The following KRIT1 variants were observed in gnomAD, a reference collection of about 807,000 sequenced individuals.
KRIT1 encodes the protein KRIT1 ankyrin repeat containing, also known as krev interaction trapped protein 1.
KRIT1 carries 45 observed loss-of-function variants against 95.8 expected under a neutral mutation model. The ratio of observed to expected loss-of-function variants is 0.47; its 90% CI spans 0.37 to 0.60. KRIT1 has a LOEUF of 0.60. Ranked by LOEUF, KRIT1 falls within the 20% of genes least tolerant of loss-of-function variation. KRIT1 has a pLI of 0.00. For missense variants in KRIT1, 788 were observed against 877.5 expected (o/e 0.90, Z 1.29); for synonymous variants, 282 against 278.8 (o/e 1.01, Z -0.11).
At chr7:92,214,096 G>A in intron 15 of KRIT1, 117 bp from the exon 16 acceptor site, 1 of 701,552 alleles carries the variant, frequency 1.4e-6, no homozygotes, top group South Asian at 1.6e-5. Context: ...AAAATATTTT[G>A]CTGTAAAATA....
chr7:92,235,103 G>A (rs1033067271), intron 8 of KRIT1, among the ~76,000 whole-genome samples, 180 bp from the exon 9 acceptor site: 15 of 152,118 alleles, frequency 9.9e-5, no homozygotes, highest in Admixed American at 5.2e-4. Context: ...AGGTTCAAGC[G>A]ATTCTCCTGC....
At chr7:92,231,194 T>C (rs952748763) in intron 10 of KRIT1, among the ~76,000 whole-genome samples, 18 of 152,310 alleles carry the variant, frequency 1.2e-4, no homozygotes, top group African/African-American at 4.1e-4. Flanking sequence ...TGTTAAGTTC[T>C]CTACAAGGGG....
chr7:92,227,481 T>G (rs182689768), intron 10 of KRIT1, among the ~76,000 whole-genome samples: 10 of 152,102 alleles, frequency 6.6e-5, no homozygotes, highest in Admixed American at 2.0e-4. Context: ...AAACAAGAGA[T>G]ATGATTTCAG....
chr7:92,228,489 A>G (rs1448230644), intron 10 of KRIT1, among the ~76,000 whole-genome samples: 1 of 152,242 alleles, frequency 6.6e-6, no homozygotes, highest in East Asian at 1.9e-4. Flanking sequence ...CACAAATACT[A>G]TGTCTTTTCT....
rs1294127005 is a variant in KRIT1, at chr7:92,200,233, A to C, written c.*503T>G. 6.4e-6 allele frequency: 1 copy of C among 155,660 alleles called. No individual in the cohort carries two copies. The highest frequency in any genetic ancestry group is 2.4e-5 in the African/African-American group (1 of 41,466). The allele number at this position is 155,660 out of a possible 1,614,324, so 9.6% of individuals were successfully genotyped here. On this transcript the variant is annotated 3_prime_UTR_variant, in exon 19 of 19. Coordinates refer to ENST00000394505, the MANE Select transcript of KRIT1 (RefSeq NM_194454.3). ...TTTTTGTGTTTCTCTCAAAAATTAG[A>C]ATAGCTTATGAGGATATTATATAAA...
intron 10 of KRIT1, among the ~76,000 whole-genome samples, chr7:92,230,209 A>C (rs1270115712): frequency 1.1e-4 from 17 of 152,166 alleles, no homozygotes; most frequent in Non-Finnish European, 2.9e-5. Flanking sequence ...ACAGATGAGA[A>C]AAATGGAGCT....
chr7:92,202,292 T>C (rs970213268), intron 17 of KRIT1: 1 of 152,218 alleles, frequency 6.6e-6, no homozygotes, highest in African/African-American at 2.4e-5. Flanking sequence ...CTGTAATTGA[T>C]TGTGATCAAA....
intron 10 of KRIT1, among the ~76,000 whole-genome samples, chr7:92,230,199 A>G (rs145894613): frequency 9.2e-4 from 140 of 152,238 alleles, no homozygotes; most frequent in African/African-American, 3.0e-3. Context: ...TTTTTATTGC[A>G]CAGATGAGAA....
chr7:92,225,865 C>T (rs772169845), intron 11 of KRIT1, 38 bp from the exon 12 acceptor site: 1 of 1,035,752 alleles, frequency 9.7e-7, no homozygotes, highest in Non-Finnish European at 1.5e-6. Context: ...AAAGGCATTA[C>T]ATATTATGGT....
At chr7:92,242,341 CT>C (rs1214817162) in intron 3 of KRIT1, among the ~76,000 whole-genome samples, 1 of 152,136 alleles carries the variant, frequency 6.6e-6, no homozygotes, top group African/African-American at 2.4e-5. Context: ...TGCATCTTTA[CT>C]GTTCAACTAC....
chr7:92,217,614 G>A (rs1296052994), intron 14 of KRIT1, among the ~76,000 whole-genome samples: 1 of 152,144 alleles, frequency 6.6e-6, no homozygotes, highest in Non-Finnish European at 1.5e-5. Context: ...CTTTGTATCA[G>A]TGAATAATAC....
Position 92,240,995 on chromosome 7 carries a change from C to G in KRIT1, c.260G>C (p.Arg87Thr), listed in dbSNP as rs1335478074. Residue 87 changes from arginine (R) to threonine (T), a missense_variant and splice_region_variant, in exon 5 of 19, where the codon AGA becomes ACA. Arg to Thr is a moderately conservative substitution (Grantham distance 71). Coordinates refer to ENST00000394505, the MANE Select transcript of KRIT1 (RefSeq NM_194454.3). Reference sequence around the variant, plus strand: ...TTTTTAAAAAAGAAGTTTCCTACCTCTGATACCCTGGTTTGCAGGAGAAAT... The same window carrying G: ...TTTTTAAAAAAGAAGTTTCCTACCTGTGATACCCTGGTTTGCAGGAGAAAT... ...KPISPANQGIRGKRVVLMKKF... is the reference protein window; with the variant it reads ...KPISPANQGITGKRVVLMKKF... 7 of 1,607,760 alleles carry G rather than the reference C, an allele frequency of 4.4e-6. No homozygotes were observed. Among genetic ancestry groups the G allele is most frequent in the Non-Finnish European group, 6.0e-6 (7 of 1,174,370 alleles).
rs1237112169 is a variant in KRIT1 at position 92,237,703 on chromosome 7, C to T, written c.319G>A (p.Glu107Lys). The change falls in exon 6 of 19, where the codon GAA becomes AAA. Residue 107 changes from glutamate to lysine, a missense_variant. Around this residue, in one of 3 missense-constraint regions of KRIT1, gnomAD observed 289 missense variants for 277.5 expected, o/e 1.04. Transcript: ENST00000394505. ...GATGGAACAATAAATAATGATGCTT[C>T]TCTGCCCATCTTCTCTCCATCCAGA... is the stretch of plus-strand genomic sequence containing the variant. ...FPLDGEKMGR[E>K]ASLFIVPSVV... 2.5e-6 allele frequency: 4 copies of T among 1,607,724 alleles called. No individual in the cohort carries two copies. The Admixed American group carries it at 6.7e-5, about 27-fold the overall frequency.
intron 17 of KRIT1, among the ~76,000 whole-genome samples, chr7:92,207,146 A>G (rs1288245283): frequency 6.6e-6 from 1 of 152,126 alleles, no homozygotes; most frequent in Non-Finnish European, 1.5e-5. Context: ...ATCAAGATAC[A>G]GGAAGCTCAA....
chr7:92,211,366 G>A (rs376512454), intron 17 of KRIT1, among the ~76,000 whole-genome samples: 10 of 152,280 alleles, frequency 6.6e-5, no homozygotes, highest in African/African-American at 9.6e-5. Flanking sequence ...TCTTGCATTC[G>A]CAACAACATG....
intron 12 of KRIT1, among the ~76,000 whole-genome samples, chr7:92,223,591 G>A (rs1015552787): frequency 1.3e-5 from 2 of 151,978 alleles, no homozygotes; most frequent in Non-Finnish European, 2.9e-5. Flanking sequence ...ATGTTTTAGC[G>A]CCTTTAATGT....
intron 5 of KRIT1, among the ~76,000 whole-genome samples, chr7:92,239,263 G>A (rs1799070168): frequency 6.6e-6 from 1 of 152,180 alleles, no homozygotes; most frequent in African/African-American, 2.4e-5. Flanking sequence ...GAAGTTTTTT[G>A]TTAACAGTGA....
intron 10 of KRIT1, among the ~76,000 whole-genome samples, chr7:92,231,339 G>GT (rs1797242583): frequency 6.6e-6 from 1 of 151,836 alleles, no homozygotes; most frequent in Non-Finnish European, 1.5e-5. Flanking sequence ...ACATATATAG[G>GT]TATTGTTATT....
chr7:92,232,515 G>GAA (rs202080349), intron 10 of KRIT1, among the ~76,000 whole-genome samples: 1 of 129,562 alleles, frequency 7.7e-6, no homozygotes, highest in Admixed American at 7.7e-5. Context: ...ATTAGAGGGG[G>GAA]AAAAAAAAAA....
Sources: gnomAD v4.1 joint callset for allele counts (sites outside exome capture counted in the v4.1 genomes callset) on GRCh38, gnomAD v4.1.1 for gene constraint, gnomAD v4.1.1 regional missense constraint, MANE v1.5 for transcripts, NCBI Gene and HGNC (gene_info 2026-07-23, HGNC 2026-07-21) for gene names.